MAPK6: variants seen among roughly 807,000 people sequenced by gnomAD.
MAPK6 encodes mitogen-activated protein kinase 6.
Under a neutral mutation model 59.3 loss-of-function variants are expected in MAPK6, and 19 were observed. That is an observed-to-expected ratio of 0.32 (90% CI 0.22 to 0.47). The LOEUF (loss-of-function observed/expected upper bound fraction) is 0.47. MAPK6 is among the 20% of genes least tolerant of loss of function. The pLI is 1.00. For synonymous variants in MAPK6, 316 were observed against 290.3 expected (o/e 1.09, Z -0.90); for missense variants, 724 against 847.9 (o/e 0.85, Z 1.81).
At chr15:51,979,278 A>G (rs1347395911) in intron 1 of MAPK6, among the ~76,000 whole-genome samples, 1 of 151,680 alleles carries the variant, frequency 6.6e-6, no homozygotes, top group Non-Finnish European at 1.5e-5. Flanking sequence ...AGGGAGAAGG[A>G]AGAACAGAGA....
At chr15:52,004,378 G>A (rs755856459) in exon 3 of MAPK6, 1 of 152,174 alleles carries the variant, frequency 6.6e-6, no homozygotes, top group Non-Finnish European at 1.5e-5. Context: ...GCTAATTAAA[G>A]GAGATTGCTA....
chr15:52,062,581 G>A (rs56130913), intron 5 of MAPK6, among the ~76,000 whole-genome samples: 15 of 151,948 alleles, frequency 9.9e-5, no homozygotes, highest in Admixed American at 3.9e-4. Flanking sequence ...CCTGGCTAAC[G>A]TGGTGAAACC....
chr15:52,028,243 C>T (rs979909755), intron 1 of MAPK6, among the ~76,000 whole-genome samples: 27 of 152,186 alleles, frequency 1.8e-4, no homozygotes, highest in African/African-American at 5.8e-4. Context: ...TGAACCACCG[C>T]GCCCGGCAAT....
At position 52,064,603 on chromosome 15, in the gene MAPK6, A is replaced by G. The variant is rs1190137502; in HGVS notation, c.1769A>G (p.Gln590Arg). Residue 590 changes from glutamine to arginine, a missense_variant, in exon 6 of 6, where the codon CAG (glutamine) becomes CGG (arginine). This residue lies in a region of MAPK6 where 502 missense variants were observed against 507.6 expected (regional missense o/e 0.99). Coordinates refer to ENST00000261845, the MANE Select transcript of MAPK6 (RefSeq NM_002748.4). The stretch of plus-strand genomic sequence containing the variant: ...CTGGCTCAATTAGAAGCCTTGTACC[A>G]GTCTTCTTGGGACAGCCAGTTTGTG... ...ANLAQLEALYQSSWDSQFVSG... is the reference protein window; with the variant it reads ...ANLAQLEALYRSSWDSQFVSG... The G allele has an allele frequency of 6.2e-7, 1 of 1,611,838 alleles. No homozygotes were observed. The highest frequency in any genetic ancestry group is 1.1e-5 in the South Asian group (1 of 90,960).
intron 3 of MAPK6, among the ~76,000 whole-genome samples, chr15:52,010,072 T>G (rs2030010843): frequency 1.3e-5 from 2 of 152,058 alleles, no homozygotes; most frequent in South Asian, 4.1e-4. Flanking sequence ...TGCCTGGCCT[T>G]AAGTAATTTC....
chr15:52,062,580 CGTG>C (rs1280106932), intron 5 of MAPK6, among the ~76,000 whole-genome samples: 4 of 152,014 alleles, frequency 2.6e-5, no homozygotes, highest in Non-Finnish European at 5.9e-5. Flanking sequence ...GCCTGGCTAA[CGTG>C]GTGAAACCCG....
chr15:52,046,283 A>G lies in MAPK6; in HGVS notation c.-178A>G. 1 of 558,284 alleles carries G rather than the reference A, an allele frequency of 1.8e-6. No individual in the cohort carries two copies. Among genetic ancestry groups the G allele is most frequent in the Non-Finnish European group, 3.1e-6 (1 of 318,408 alleles). The allele number at this position is 558,284 out of a possible 1,614,324, so 34.6% of individuals were successfully genotyped here. ...ATAGAGCTTTTTGAGCTTTAAATCT[A>G]AGGGGAACTCGACAGGCCTGTTTGG... On this transcript the variant is annotated 5_prime_UTR_variant, in exon 2 of 6. Coordinates refer to ENST00000261845, the MANE Select transcript of MAPK6 (RefSeq NM_002748.4).
At chr15:52,051,048 T>C (rs887999351) in intron 3 of MAPK6, among the ~76,000 whole-genome samples, 6 of 151,844 alleles carry the variant, frequency 4.0e-5, no homozygotes, top group Non-Finnish European at 7.4e-5. Flanking sequence ...CATAACTTTT[T>C]CCCCCTCTAT....
At position 52,065,205 on chromosome 15, in the gene MAPK6, A is replaced by T. The variant is rs2032368671; in HGVS notation, c.*205A>T. On this transcript the variant is annotated 3_prime_UTR_variant, in exon 6 of 6. Coordinates refer to ENST00000261845, the MANE Select transcript of MAPK6 (RefSeq NM_002748.4). The stretch of plus-strand genomic sequence containing the variant: ...AACTGGCATGTCATTTGCACACAAA[A>T]ATAAAGACTAGAGCAAAATAATGCA... The T allele has an allele frequency of 2.0e-6, 1 of 500,774 alleles. No homozygotes were observed. Among genetic ancestry groups the T allele is most frequent in the Non-Finnish European group, 3.4e-6 (1 of 291,906 alleles). 31.0% of individuals were successfully genotyped at this position (500,774 alleles called of 1,614,324 possible).
chr15:52,048,575 T>C (rs942485510), intron 2 of MAPK6, among the ~76,000 whole-genome samples: 1 of 152,148 alleles, frequency 6.6e-6, no homozygotes, highest in Non-Finnish European at 1.5e-5. Flanking sequence ...GCCAATGCAC[T>C]CCAGCCTGGG....
intron 1 of MAPK6, among the ~76,000 whole-genome samples, chr15:52,023,401 C>G (rs1314214765): frequency 1.3e-5 from 2 of 152,136 alleles, no homozygotes; most frequent in Non-Finnish European, 2.9e-5. Flanking sequence ...GAATTTTGCT[C>G]ATTTTTATTG....
At chr15:52,063,156 C>T (rs759737301) in intron 5 of MAPK6, among the ~76,000 whole-genome samples, 1 of 152,138 alleles carries the variant, frequency 6.6e-6, no homozygotes, top group African/African-American at 2.4e-5. Context: ...CTGCAACCTC[C>T]TGAGTTCAAG....
chr15:52,037,014 A>G (rs1401768703), intron 1 of MAPK6, among the ~76,000 whole-genome samples: 6 of 152,116 alleles, frequency 3.9e-5, no homozygotes, highest in African/African-American at 1.4e-4. Context: ...AAAATTAGGG[A>G]ATTGGCCAGA....
At chr15:51,979,708 A>G (rs763832603) in intron 1 of MAPK6, among the ~76,000 whole-genome samples, 3 of 151,790 alleles carry the variant, frequency 2.0e-5, no homozygotes, top group Non-Finnish European at 4.4e-5. Flanking sequence ...TGGGAGGATC[A>G]CTTGAGCCTG....
chr15:52,020,461 T>G (rs986366305), intron 1 of MAPK6, among the ~76,000 whole-genome samples: 5 of 152,210 alleles, frequency 3.3e-5, no homozygotes, highest in Admixed American at 6.5e-5. Flanking sequence ...TAATGACTTT[T>G]TTTTTTTTAA....
intron 2 of MAPK6, among the ~76,000 whole-genome samples, chr15:52,003,433 GA>G (rs1282055412): frequency 1.4e-4 from 22 of 152,166 alleles, no homozygotes; most frequent in Admixed American, 6.6e-5. Context: ...GGGCAACCCA[GA>G]AAAGGCACAT....
chr15:51,998,297 C>T (rs953868681), intron 2 of MAPK6, among the ~76,000 whole-genome samples: 3 of 151,732 alleles, frequency 2.0e-5, no homozygotes, highest in Admixed American at 2.0e-4. Flanking sequence ...CCCCACCTCC[C>T]GAGTTCAAGT....
chr15:52,050,851 T>C (rs1160493062), intron 3 of MAPK6, among the ~76,000 whole-genome samples: 1 of 152,008 alleles, frequency 6.6e-6, no homozygotes, highest in African/African-American at 2.4e-5. Context: ...ATCTGAGATT[T>C]GTGCAAGTTG....
chr15:52,034,726 C>A (rs776302188), intron 1 of MAPK6, among the ~76,000 whole-genome samples: 19 of 151,828 alleles, frequency 1.3e-4, no homozygotes, highest in Non-Finnish European at 2.2e-4. Flanking sequence ...GAGATGGAAT[C>A]TTCCTCTGTT....
Sources: allele counts gnomAD v4.1 joint callset (sites outside exome capture counted in the v4.1 genomes callset), GRCh38; gene constraint gnomAD v4.1.1; regional missense constraint gnomAD v4.1.1; transcripts MANE v1.5; gene names NCBI Gene and HGNC (gene_info 2026-07-23, HGNC 2026-07-21).